Variants in VDAC1 observed in about 807,000 individuals in gnomAD.
VDAC1 encodes non-selective voltage-gated ion channel VDAC1.
Under a neutral mutation model 34.7 loss-of-function variants are expected in VDAC1, and 10 were observed. That is an observed-to-expected ratio of 0.29 (90% CI 0.18 to 0.49). The LOEUF (loss-of-function observed/expected upper bound fraction) is 0.49, where lower values mean the gene tolerates loss of function less well. VDAC1 is among the 20% of genes least tolerant of loss of function. VDAC1 has a pLI of 0.99. For missense variants in VDAC1, 230 were observed against 347.9 expected, an observed-to-expected ratio of 0.66 and a Z score of 2.69; for synonymous variants, 130 against 136.0, an observed-to-expected ratio of 0.96 and a Z score of 0.30.
At chr5:133,991,235 T>C (rs1189584348) in intron 3 of VDAC1, 81 bp from the exon 4 acceptor site, 1 of 1,566,954 alleles carries the variant, frequency 6.4e-7, no homozygotes, top group African/African-American at 1.3e-5. Context: ...TATACTTGCC[T>C]TTCTGCAAGA....
At chr5:134,109,131 CGAT>C in the VDAC1 span, among the ~76,000 whole-genome samples, 2 of 7,500 alleles carry the variant, frequency 2.7e-4, no homozygotes, top group Non-Finnish European at 1.3e-3. Flanking sequence ...TATGGATGAT[CGAT>C]CCATCCTTCC....
chr5:133,986,675 C>T (rs551338815), intron 5 of VDAC1, among the ~76,000 whole-genome samples: 4 of 152,280 alleles, frequency 2.6e-5, no homozygotes, highest in Middle Eastern at 3.4e-3. Flanking sequence ...CATGAGCCCC[C>T]GCGCCAGGCC....
rs137899982 is a variant in VDAC1 at position 133,993,139 on chromosome 5, G to C, written c.-6-121C>G. On this transcript the variant is annotated intron_variant, in intron 1 of 8. Transcript: ENST00000265333. ...AAATCACCTAGCACTAAGACTACCAGGTAGCTTATCCTCCCAGATGGGCCA... is the reference window on the plus strand; with the variant it reads ...AAATCACCTAGCACTAAGACTACCACGTAGCTTATCCTCCCAGATGGGCCA... 1.1e-3 allele frequency: 1,143 copies of C among 1,036,406 alleles called. 13 individuals carry two copies. The African/African-American group carries it at 0.017, about 15-fold the overall frequency. The allele number at this position is 1,036,406 out of a possible 1,614,324, so 64.2% of individuals were successfully genotyped here. A position where few individuals can be genotyped will look rare whatever the true frequency, so the allele number is the denominator to read the frequency against.
intron 3 of VDAC1, among the ~76,000 whole-genome samples, chr5:133,991,433 C>T (rs2126973864): frequency 6.6e-6 from 1 of 152,376 alleles, no homozygotes; most frequent in South Asian, 2.1e-4. Flanking sequence ...TCCATCCTGG[C>T]TCCAGGGCAG....
intron 1 of VDAC1, 102 bp downstream of exon 1, chr5:134,004,793 C>G (rs554088840): frequency 1.3e-5 from 2 of 149,922 alleles, no homozygotes; most frequent in Admixed American, 6.6e-5. Flanking sequence ...CCCGCCTCCC[C>G]TCCTGCGCGC....
chr5:134,020,748 C>T, the VDAC1 span, among the ~76,000 whole-genome samples: 1 of 152,052 alleles, frequency 6.6e-6, no homozygotes, highest in Non-Finnish European at 1.5e-5. Context: ...GCGATCTCGG[C>T]TCACTGCAAG....
chr5:134,020,708 G>T, the VDAC1 span, among the ~76,000 whole-genome samples: 1 of 151,720 alleles, frequency 6.6e-6, no homozygotes, highest in African/African-American at 2.4e-5. Context: ...GTGGAGTCTC[G>T]CTCAGTCACC....
intron 1 of VDAC1, among the ~76,000 whole-genome samples, chr5:133,997,324 A>G (rs1266150389): frequency 6.6e-6 from 1 of 152,174 alleles, no homozygotes; most frequent in Non-Finnish European, 1.5e-5. Context: ...AAAACCCAGA[A>G]GCAACCTAAA....
upstream of VDAC1, among the ~76,000 whole-genome samples, chr5:134,009,639 G>A (rs1753802118): frequency 1.3e-5 from 2 of 151,678 alleles, no homozygotes; most frequent in Non-Finnish European, 2.9e-5. Context: ...TTTTTCCTTT[G>A]GCTCTTTTTA....
chr5:134,009,614 G>A (rs1372498267), upstream of VDAC1, among the ~76,000 whole-genome samples: 10 of 152,022 alleles, frequency 6.6e-5, no homozygotes, highest in East Asian at 5.8e-4. Context: ...TTCTATTTAT[G>A]AGACTATGAG....
At chr5:134,098,129 C>T in the VDAC1 span, among the ~76,000 whole-genome samples, 424 of 151,952 alleles carry the variant, frequency 2.8e-3, no homozygotes, top group Middle Eastern at 0.01. Flanking sequence ...CCTCAGCCTC[C>T]CAAAATGCTG....
chr5:134,001,229 C>T (rs541480954), intron 1 of VDAC1, among the ~76,000 whole-genome samples: 6 of 152,338 alleles, frequency 3.9e-5, no homozygotes, highest in African/African-American at 7.2e-5. Context: ...ATCCCAACTC[C>T]ACTCCTGCCA....
chr5:134,069,317 A>G, the VDAC1 span, among the ~76,000 whole-genome samples: 1 of 152,118 alleles, frequency 6.6e-6, no homozygotes, highest in Admixed American at 6.6e-5. Context: ...AACCCTCTGA[A>G]TAAATCCTGG....
the VDAC1 span, among the ~76,000 whole-genome samples, chr5:134,024,982 T>C: frequency 6.6e-6 from 1 of 152,356 alleles, no homozygotes; most frequent in South Asian, 2.1e-4. Context: ...GCCACATGCA[T>C]GGCCCCAGCC....
chr5:134,032,124 C>CAAAAAAAAAAAAAAAAAAAAAAAAAAAA, the VDAC1 span, among the ~76,000 whole-genome samples: 21 of 36,126 alleles, frequency 5.8e-4, 1 homozygote, highest in Admixed American at 7.6e-4. Flanking sequence ...CTCTGCCTCA[C>CAAAAAAAAAAAAAAAAAAAAAAAAAAAA]AAAAAAAAAA....
At chr5:134,077,168 T>C in the VDAC1 span, among the ~76,000 whole-genome samples, 1 of 150,998 alleles carries the variant, frequency 6.6e-6, no homozygotes, top group South Asian at 2.1e-4. Flanking sequence ...TCCCAGCTAC[T>C]TGGGAGGCTG....
Position 133,980,809 on chromosome 5 carries a change from A to G in VDAC1, c.471T>C (p.Phe157=). ...EGWLAGYQMN[F]ETAKSRVTQS... ...GGGTCACTCGGGATTTTGCAGTCTC[A>G]AAATTCATCTGGTAGCCGGCCAGCC... is the stretch of plus-strand genomic sequence containing the variant. Residue 157 remains phenylalanine (F), a synonymous_variant, in exon 6 of 9, where the codon TTT becomes TTC. Transcript: ENST00000265333. 1 of 1,610,930 alleles carries G rather than the reference A, an allele frequency of 6.2e-7. No homozygotes were observed. Among genetic ancestry groups the G allele is most frequent in the Non-Finnish European group, 8.5e-7 (1 of 1,179,650 alleles).
the VDAC1 span, among the ~76,000 whole-genome samples, chr5:134,049,528 C>T: frequency 6.6e-6 from 1 of 152,128 alleles, no homozygotes; most frequent in South Asian, 2.1e-4. Context: ...GCAAAAATTC[C>T]CCAGAAAGTG....
At chr5:133,975,368 A>G (rs1321727428) in intron 7 of VDAC1, among the ~76,000 whole-genome samples, 1 of 152,178 alleles carries the variant, frequency 6.6e-6, no homozygotes, top group Non-Finnish European at 1.5e-5. Context: ...CCTGGTACCC[A>G]TAAGAAGTAC....
Sources: allele counts gnomAD v4.1 joint callset (sites outside exome capture counted in the v4.1 genomes callset), GRCh38; gene constraint gnomAD v4.1.1; transcripts MANE v1.5; gene names NCBI Gene and HGNC (gene_info 2026-07-23, HGNC 2026-07-21).